Variants in KAZN observed in about 807,000 individuals in gnomAD.
KAZN encodes the protein kazrin, periplakin interacting protein.
KAZN carries 40 observed loss-of-function variants against 87.4 expected under a neutral mutation model. The observed-to-expected ratio is 0.46, with a 90% CI of 0.36 to 0.60. The LOEUF (loss-of-function observed/expected upper bound fraction) is 0.60, where lower values mean the gene tolerates loss of function less well. Among genes scored for constraint, KAZN ranks in the 20% least tolerant of loss-of-function variants. The probability of loss-of-function intolerance (pLI) is 0.00; values close to 1 mark genes in which losing one functional copy is unlikely to be tolerated. For synonymous variants in KAZN, 466 were observed against 458.3 expected (o/e 1.02, Z -0.22); for missense variants, 898 against 1,073.9 (o/e 0.84, Z 2.29).
chr1:14,614,347 T>C (rs1378179950), intron 1 of KAZN, among the ~76,000 whole-genome samples: 1 of 152,262 alleles, frequency 6.6e-6, no homozygotes, highest in Non-Finnish European at 1.5e-5. Context: ...GTTTATTCCC[T>C]GCAATTAAAA....
intron 1 of KAZN, among the ~76,000 whole-genome samples, chr1:14,750,861 A>G (rs1644395831): frequency 6.6e-6 from 1 of 152,210 alleles, no homozygotes; most frequent in South Asian, 2.1e-4. Flanking sequence ...GGCTATCACC[A>G]GAAATACGCA....
At chr1:14,207,866 G>T (rs570549023) in intron 2 of KAZN, among the ~76,000 whole-genome samples, 2 of 152,218 alleles carry the variant, frequency 1.3e-5, no homozygotes, top group South Asian at 2.1e-4. Flanking sequence ...GTTCACAAAT[G>T]GCTGAAAATG....
intron 1 of KAZN, among the ~76,000 whole-genome samples, chr1:14,689,806 G>A (rs1390411860): frequency 6.6e-6 from 1 of 152,222 alleles, no homozygotes; most frequent in Non-Finnish European, 1.5e-5. Flanking sequence ...AGAGGGCGTG[G>A]TGAGACCCTC....
intron 1 of KAZN, among the ~76,000 whole-genome samples, chr1:14,024,474 A>G (rs145508370): frequency 2.8e-4 from 43 of 152,376 alleles, no homozygotes; most frequent in Non-Finnish European, 5.7e-4. Flanking sequence ...TCTTTTAAAA[A>G]TAATTTGCTG....
At chr1:13,986,030 A>G (rs953200285) in intron 1 of KAZN, among the ~76,000 whole-genome samples, 13 of 152,216 alleles carry the variant, frequency 8.5e-5, no homozygotes, top group Non-Finnish European at 1.3e-4. Flanking sequence ...ATACATATTT[A>G]GCAGTGAAGT....
At chr1:14,873,688 A>G (rs557596349) in intron 1 of KAZN, among the ~76,000 whole-genome samples, 1 of 152,338 alleles carries the variant, frequency 6.6e-6, no homozygotes, top group Admixed American at 6.5e-5. Context: ...TGGATCTGAC[A>G]TATATTTATG....
At chr1:14,426,395 C>T (rs566605720) in intron 2 of KAZN, among the ~76,000 whole-genome samples, 2 of 152,280 alleles carry the variant, frequency 1.3e-5, no homozygotes, top group East Asian at 3.9e-4. Context: ...TCCCCTCAGC[C>T]CCGTTAGATT....
chr1:14,764,348 A>G (rs1479886196), intron 1 of KAZN, among the ~76,000 whole-genome samples: 2 of 148,862 alleles, frequency 1.3e-5, no homozygotes, highest in African/African-American at 2.5e-5. Context: ...CGATCACCCT[A>G]TTTAAAATTA....
chr1:14,990,048 G>A (rs185685896), intron 2 of KAZN, among the ~76,000 whole-genome samples: 8 of 152,180 alleles, frequency 5.3e-5, no homozygotes, highest in African/African-American at 1.7e-4. Flanking sequence ...ACCTGAGGCC[G>A]AGAGATATTC....
At position 15,115,762 on chromosome 1, in the gene KAZN, G is replaced by A. The variant is rs1421463666; in HGVS notation, c.*1127G>A. The A allele has an allele frequency of 1.3e-5, 2 of 152,276 alleles. No individual in the cohort carries two copies. Among genetic ancestry groups the A allele is most frequent in the African/African-American group, 2.4e-5 (1 of 41,540 alleles). The allele number at this position is 152,276 out of a possible 1,614,324, so 9.4% of individuals were successfully genotyped here. On this transcript the variant is annotated 3_prime_UTR_variant, in exon 15 of 15. Coordinates refer to ENST00000376030, the MANE Select transcript of KAZN (RefSeq NM_201628.3). The surrounding 1 kb of genome is among the most constrained non-coding windows in gnomAD (Gnocchi z 4.1). ...CAGTGGCCTCACCTCTCTGTGCCTC[G>A]ATGTCTTCATCTACGATACTTCTGG...
At chr1:14,099,462 G>C (rs1644201440) in intron 1 of KAZN, among the ~76,000 whole-genome samples, 1 of 152,126 alleles carries the variant, frequency 6.6e-6, no homozygotes, top group African/African-American at 2.4e-5. Flanking sequence ...TATAGGGCAA[G>C]TTCATTGAAC....
intron 2 of KAZN, among the ~76,000 whole-genome samples, chr1:15,004,741 T>C (rs1169557006): frequency 1.3e-5 from 2 of 152,084 alleles, no homozygotes; most frequent in Non-Finnish European, 2.9e-5. Flanking sequence ...CCCCTAGCAT[T>C]AAATGGGGGG....
rs889556467 is a variant in KAZN at position 14,247,538 on chromosome 1, A to G, written c.249+66946A>G. 3.9e-5 allele frequency among the ~76,000 whole-genome samples: 6 copies of G among 152,216 alleles called. No individual in the cohort carries two copies. The East Asian group carries it at 5.8e-4, about 15-fold the overall frequency. The stretch of plus-strand genomic sequence containing the variant: ...GAGGTGTTCGGTTTTCTGTTCCTGC[A>G]TTAGTTTGCTGAGGATGATGGCTTC... On this transcript the variant is annotated intron_variant, in intron 2 of 16. Transcript: ENST00000636203.
At chr1:14,409,429 G>T (rs185228150) in intron 2 of KAZN, among the ~76,000 whole-genome samples, 1 of 152,154 alleles carries the variant, frequency 6.6e-6, no homozygotes, top group Admixed American at 6.5e-5. Context: ...CAACAAGAGC[G>T]CTTGAGTTCC....
chr1:14,285,278 T>C (rs979944501), intron 2 of KAZN, among the ~76,000 whole-genome samples: 2 of 152,244 alleles, frequency 1.3e-5, no homozygotes, highest in Non-Finnish European at 2.9e-5. Flanking sequence ...GCCATTATTA[T>C]CCTTTTCAGA....
intron 1 of KAZN, among the ~76,000 whole-genome samples, chr1:14,042,398 C>T (rs948105727): frequency 6.6e-6 from 1 of 152,180 alleles, no homozygotes; most frequent in Non-Finnish European, 1.5e-5. Flanking sequence ...ACCTGTAGAA[C>T]ATTCTCCCTG....
At chr1:14,523,969 C>T (rs947146202) in intron 2 of KAZN, among the ~76,000 whole-genome samples, 18 of 151,732 alleles carry the variant, frequency 1.2e-4, no homozygotes, top group African/African-American at 3.4e-4. Context: ...CGTATATCCA[C>T]GTGGCTTAAA....
chr1:15,003,257 A>G (rs2102028572), intron 2 of KAZN, among the ~76,000 whole-genome samples: 1 of 152,304 alleles, frequency 6.6e-6, no homozygotes, highest in African/African-American at 2.4e-5. Context: ...TGCAAAACAC[A>G]GGGCGTGGAT....
intron 2 of KAZN, among the ~76,000 whole-genome samples, chr1:14,511,569 A>C (rs752818688): frequency 6.6e-6 from 1 of 152,248 alleles, no homozygotes; most frequent in African/African-American, 2.4e-5. Context: ...CAACACATTT[A>C]TCATTCACCG....
Sources: allele counts gnomAD v4.1 joint callset (sites outside exome capture counted in the v4.1 genomes callset), GRCh38; gene constraint gnomAD v4.1.1; non-coding constraint Gnocchi (gnomAD v3.1); transcripts MANE v1.5; gene names NCBI Gene and HGNC (gene_info 2026-07-23, HGNC 2026-07-21).